The following AGBL4 variants were observed in gnomAD, a reference collection of about 807,000 sequenced individuals.
AGBL4 encodes cytosolic carboxypeptidase 6.
Under a neutral mutation model 66.4 loss-of-function variants are expected in AGBL4, and 58 were observed. The observed-to-expected ratio is 0.87, with a 90% CI of 0.71 to 1.09. The LOEUF (loss-of-function observed/expected upper bound fraction) is 1.09. Ranked by LOEUF, AGBL4 falls within the 50% of genes least tolerant of loss-of-function variation. The pLI, the probability that AGBL4 is intolerant of heterozygous loss-of-function variation, is 0.00. For missense variants in AGBL4, 579 were observed against 631.0 expected, an observed-to-expected ratio of 0.92 and a Z score of 0.88; for synonymous variants, 234 against 222.9, an observed-to-expected ratio of 1.05 and a Z score of -0.44.
At chr1:49,936,544 C>A (rs965951962) in intron 1 of AGBL4, among the ~76,000 whole-genome samples, 8 of 152,022 alleles carry the variant, frequency 5.3e-5, no homozygotes, top group Non-Finnish European at 1.0e-4. Flanking sequence ...GTCAGATTCA[C>A]CAAAGTTGAA....
chr1:49,196,865 T>A (rs1395831195), intron 4 of AGBL4, among the ~76,000 whole-genome samples: 6 of 152,130 alleles, frequency 3.9e-5, no homozygotes, highest in South Asian at 2.1e-4. Context: ...CCCACTCTTT[T>A]GCTCAGGCAG....
At chr1:49,475,001 T>C (rs1646818807) in intron 3 of AGBL4, among the ~76,000 whole-genome samples, 1 of 151,962 alleles carries the variant, frequency 6.6e-6, no homozygotes, top group Non-Finnish European at 1.5e-5. Flanking sequence ...AAGTGGACAT[T>C]ATTGTCTTGT....
chr1:48,960,709 A>G (rs992203408), intron 5 of AGBL4, among the ~76,000 whole-genome samples: 2 of 152,236 alleles, frequency 1.3e-5, no homozygotes, highest in Admixed American at 6.5e-5. Flanking sequence ...TTCATCATGG[A>G]AAGTATTGAC....
intron 1 of AGBL4, among the ~76,000 whole-genome samples, chr1:49,919,902 TG>T (rs975168682): frequency 4.0e-4 from 61 of 152,232 alleles, no homozygotes; most frequent in Non-Finnish European, 6.2e-4. Flanking sequence ...TATAGATCAA[TG>T]GAACAGAACA....
At chr1:48,569,397 A>G (rs1309737215) in intron 11 of AGBL4, among the ~76,000 whole-genome samples, 1 of 152,250 alleles carries the variant, frequency 6.6e-6, no homozygotes, top group Middle Eastern at 3.2e-3. Flanking sequence ...TTTCACAGGT[A>G]GAAAAGTGAA....
At chr1:48,989,111 C>G (rs1276004753) in intron 5 of AGBL4, among the ~76,000 whole-genome samples, 1 of 152,188 alleles carries the variant, frequency 6.6e-6, no homozygotes, top group Non-Finnish European at 1.5e-5. Flanking sequence ...TGACTACTCT[C>G]TACTCTCTGT....
intron 3 of AGBL4, among the ~76,000 whole-genome samples, chr1:49,572,285 T>G (rs1644347167): frequency 6.6e-6 from 1 of 152,228 alleles, no homozygotes; most frequent in African/African-American, 2.4e-5. Flanking sequence ...CATTCTTCTA[T>G]TTTAATCTGA....
At chr1:49,631,601 T>C (rs1195246397) in intron 3 of AGBL4, among the ~76,000 whole-genome samples, 4 of 152,110 alleles carry the variant, frequency 2.6e-5, no homozygotes, top group Admixed American at 6.6e-5. Flanking sequence ...GTGTCCCACA[T>C]AAAACCCAGG....
rs572051535 is a variant in AGBL4 at position 48,863,216 on chromosome 1, A to T, written c.634+3975T>A. ...CGCAGTAACTGTAGACTTTGTTGTA[A>T]GAAAATGTATAGCTAAGTACATACC... On this transcript the variant is annotated intron_variant, in intron 6 of 13. Transcript: ENST00000371839. Among the ~76,000 whole-genome samples the T allele has an allele frequency of 2.0e-5, 3 of 152,182 alleles. No individual in the cohort carries two copies. The South Asian group carries it at 6.2e-4, about 31-fold the overall frequency.
intron 5 of AGBL4, among the ~76,000 whole-genome samples, chr1:49,010,842 A>C (rs1373293026): frequency 6.6e-6 from 1 of 151,724 alleles, no homozygotes; most frequent in Non-Finnish European, 1.5e-5. Flanking sequence ...GAAAGCTGAA[A>C]CTGGATCCCT....
At chr1:49,254,361 T>C (rs758225630) in intron 3 of AGBL4, among the ~76,000 whole-genome samples, 8 of 152,090 alleles carry the variant, frequency 5.3e-5, no homozygotes, top group Non-Finnish European at 1.2e-4. Context: ...AGCATTTCTA[T>C]ACCACAAAAC....
intron 1 of AGBL4, among the ~76,000 whole-genome samples, chr1:49,997,835 A>G (rs1303429043): frequency 6.6e-6 from 1 of 152,178 alleles, no homozygotes; most frequent in Non-Finnish European, 1.5e-5. Flanking sequence ...AATTTAAGAA[A>G]ATCAAAATTA....
intron 6 of AGBL4, among the ~76,000 whole-genome samples, chr1:48,814,845 A>G (rs747720543): frequency 6.6e-6 from 1 of 152,154 alleles, no homozygotes; most frequent in Non-Finnish European, 1.5e-5. Context: ...GGCTGTTAAC[A>G]GTTCTGCAAT....
At chr1:49,818,014 GA>G (rs1368770203) in intron 2 of AGBL4, among the ~76,000 whole-genome samples, 2 of 151,946 alleles carry the variant, frequency 1.3e-5, no homozygotes, top group East Asian at 1.9e-4. Flanking sequence ...ATAAAACTTA[GA>G]AAAAAATCAA....
At chr1:49,868,345 G>T (rs983079281) in intron 1 of AGBL4, among the ~76,000 whole-genome samples, 3 of 152,066 alleles carry the variant, frequency 2.0e-5, no homozygotes, top group Non-Finnish European at 4.4e-5. Context: ...AGAAAACAAG[G>T]CTGGAGGCAT....
intron 1 of AGBL4, among the ~76,000 whole-genome samples, chr1:49,971,262 A>T (rs1658059403): frequency 6.6e-6 from 1 of 152,202 alleles, no homozygotes; most frequent in South Asian, 2.1e-4. Flanking sequence ...CCTACCTGGA[A>T]CATGAATCAT....
intron 3 of AGBL4, among the ~76,000 whole-genome samples, chr1:49,553,490 T>TTCATC (rs937630249): frequency 1.4e-4 from 21 of 152,210 alleles, no homozygotes; most frequent in African/African-American, 5.1e-4. Flanking sequence ...ATAGTTTTTG[T>TTCATC]TCATCTTTTC....
At chr1:49,037,292 G>A (rs1664744460) in intron 5 of AGBL4, among the ~76,000 whole-genome samples, 1 of 151,876 alleles carries the variant, frequency 6.6e-6, no homozygotes, top group South Asian at 2.1e-4. Flanking sequence ...TGGTACTCTT[G>A]GCTAACAAAG....
intron 6 of AGBL4, among the ~76,000 whole-genome samples, chr1:48,746,050 T>G (rs551497103): frequency 6.6e-6 from 1 of 152,202 alleles, no homozygotes; most frequent in African/African-American, 2.4e-5. Context: ...TGATTCACAT[T>G]CTATCCTCAA....
Sources: allele counts gnomAD v4.1 joint callset (sites outside exome capture counted in the v4.1 genomes callset), GRCh38; gene constraint gnomAD v4.1.1; transcripts MANE v1.5; gene names NCBI Gene and HGNC (gene_info 2026-07-23, HGNC 2026-07-21).